The following CABIN1 variants were observed in gnomAD, a reference collection of about 807,000 sequenced individuals.
CABIN1 encodes calcineurin-binding protein cabin-1.
A neutral mutation model predicts 227.7 loss-of-function variants in CABIN1; 133 were observed. That is an observed-to-expected ratio of 0.58 (90% CI 0.51 to 0.67). The LOEUF (loss-of-function observed/expected upper bound fraction) is 0.67, where lower values mean the gene tolerates loss of function less well. CABIN1 is among the 30% of genes least tolerant of loss of function. The pLI is 0.00. For missense variants in CABIN1, 2,408 were observed against 2,852.5 expected (o/e 0.84, Z 3.55); for synonymous variants, 1,086 against 1,155.1 (o/e 0.94, Z 1.21).
At chr22:24,134,227 G>A (rs2044249940) in intron 28 of CABIN1, 75 bp from the exon 29 acceptor site, 4 of 1,040,224 alleles carry the variant, frequency 3.8e-6, no homozygotes, top group Non-Finnish European at 5.9e-6. Context: ...CAGGAAGGAG[G>A]GGACCGCCTG....
chr22:24,164,662 A>C lies in CABIN1; in HGVS notation c.4910+99A>C, dbSNP rs556024310. ...CCACTGCTCTGGCCCAGCTGTGAGG[A>C]CCACTGGCTGGGAGCCTGGACCAGC... On this transcript the variant is annotated intron_variant, in intron 30 of 36. Transcript: ENST00000263119. The C allele has an allele frequency of 2.0e-5, 27 of 1,361,962 alleles. No individual in the cohort carries two copies. The Admixed American group carries it at 3.3e-4, about 17-fold the overall frequency. 84.4% of individuals were successfully genotyped at this position (1,361,962 alleles called of 1,614,324 possible). A position where few individuals can be genotyped will look rare whatever the true frequency, so the allele number is the denominator to read the frequency against.
chr22:24,136,224 C>T (rs909208696), intron 29 of CABIN1, among the ~76,000 whole-genome samples: 4 of 152,032 alleles, frequency 2.6e-5, no homozygotes, highest in Admixed American at 1.3e-4. Flanking sequence ...TGTATTTTTT[C>T]GCTAAACAAT....
At chr22:24,136,739 G>GCA (rs200091743) in intron 29 of CABIN1, among the ~76,000 whole-genome samples, 6,386 of 139,530 alleles carry the variant, frequency 0.046, 160 homozygotes, top group East Asian at 0.14. Flanking sequence ...ACACACACAC[G>GCA]CACACACACA....
chr22:24,163,550 A>G (rs1383370301), intron 29 of CABIN1, among the ~76,000 whole-genome samples: 2 of 152,132 alleles, frequency 1.3e-5, no homozygotes, highest in Non-Finnish European at 2.9e-5. Flanking sequence ...CAGTTTCTTC[A>G]GCGTGTTGGC....
Position 24,178,328 on chromosome 22 carries a change from C to A in CABIN1, c.*132C>A. On this transcript the variant is annotated 3_prime_UTR_variant, in exon 37 of 37. Coordinates refer to ENST00000263119, the MANE Select transcript of CABIN1 (RefSeq NM_012295.4). ...CCACACAGCCCCCAGGCCTGCCCAG[C>A]CCACCTCCTCATGGCATCCTCCCTG... 1 of 1,130,640 alleles carries A rather than the reference C, an allele frequency of 8.8e-7. No individual in the cohort carries two copies. The highest frequency in any genetic ancestry group is 1.3e-6 in the Non-Finnish European group (1 of 792,814). 70.0% of individuals were successfully genotyped at this position (1,130,640 alleles called of 1,614,324 possible). A position where few individuals can be genotyped will look rare whatever the true frequency, so the allele number is the denominator to read the frequency against.
At chr22:24,013,588 A>G (rs2035010244) in intron 1 of CABIN1, among the ~76,000 whole-genome samples, 1 of 152,198 alleles carries the variant, frequency 6.6e-6, no homozygotes. Context: ...GCTTTCCCTA[A>G]TGTTAACATC....
chr22:24,038,929 T>C (rs1225708485), intron 4 of CABIN1, among the ~76,000 whole-genome samples: 1 of 152,190 alleles, frequency 6.6e-6, no homozygotes, highest in Non-Finnish European at 1.5e-5. Context: ...GGGAAGTCTG[T>C]ATAGACATGC....
intron 26 of CABIN1, among the ~76,000 whole-genome samples, chr22:24,105,414 A>G (rs1233764584): frequency 6.6e-6 from 1 of 152,242 alleles, no homozygotes; most frequent in Non-Finnish European, 1.5e-5. Flanking sequence ...CTTGCCACAA[A>G]TATTAATTAG....
chr22:24,149,787 A>G (rs2045374486), intron 29 of CABIN1, among the ~76,000 whole-genome samples: 1 of 152,154 alleles, frequency 6.6e-6, no homozygotes, highest in Non-Finnish European at 1.5e-5. Flanking sequence ...GCTATTGGGA[A>G]CCCCAGGCTG....
chr22:24,169,821 C>T (rs577937985), intron 33 of CABIN1, among the ~76,000 whole-genome samples: 1 of 152,366 alleles, frequency 6.6e-6, no homozygotes, highest in Non-Finnish European at 1.5e-5. Flanking sequence ...CAACCCCACA[C>T]TGTAGCGTGA....
chr22:24,126,770 G>A (rs772757283), intron 28 of CABIN1, among the ~76,000 whole-genome samples: 74 of 152,144 alleles, frequency 4.9e-4, no homozygotes, highest in Non-Finnish European at 1.3e-4. Context: ...AGGCCAAGGC[G>A]GGCAAATCAC....
At chr22:24,175,922 T>C in intron 34 of CABIN1, 189 bp from the exon 35 acceptor site, 1 of 692,014 alleles carries the variant, frequency 1.4e-6, no homozygotes, top group Non-Finnish European at 2.6e-6. Context: ...CCTACCAGTG[T>C]CCTCTTGGGT....
chr22:24,086,750 TCAGA>T (rs1303645216), intron 22 of CABIN1, among the ~76,000 whole-genome samples: 1 of 152,224 alleles, frequency 6.6e-6, no homozygotes, highest in Non-Finnish European at 1.5e-5. Context: ...ATTCCTCCTC[TCAGA>T]CAGGTTTCTG....
intron 28 of CABIN1, among the ~76,000 whole-genome samples, chr22:24,125,654 G>T (rs938554207): frequency 6.6e-6 from 1 of 152,202 alleles, no homozygotes; most frequent in African/African-American, 2.4e-5. Flanking sequence ...CAGGGTGTTC[G>T]CCTGCCTTTA....
intron 19 of CABIN1, 67 bp from the exon 20 acceptor site, chr22:24,083,161 C>A: frequency 6.5e-7 from 1 of 1,534,016 alleles, no homozygotes; most frequent in Non-Finnish European, 9.0e-7. Flanking sequence ...TTCTCTGGGG[C>A]CCTGCTGTGA....
intron 1 of CABIN1, chr22:24,011,682 C>T (rs1235326810): frequency 2.0e-5 from 3 of 152,282 alleles, no homozygotes; most frequent in African/African-American, 4.8e-5. Flanking sequence ...AGCGCGCTAA[C>T]CCTTTACTCG....
At chr22:24,095,519 G>A (rs1163135681) in intron 24 of CABIN1, among the ~76,000 whole-genome samples, 1 of 146,110 alleles carries the variant, frequency 6.8e-6, no homozygotes, top group Non-Finnish European at 1.5e-5. Flanking sequence ...ATCCAACCTA[G>A]TCCTTGTTTC....
chr22:24,087,829 G>A, intron 23 of CABIN1, 116 bp downstream of exon 23: 1 of 1,359,576 alleles, frequency 7.4e-7, no homozygotes, highest in Non-Finnish European at 1.0e-6. Flanking sequence ...TCCATGCTGG[G>A]AGCTCACTGA....
At chr22:24,033,687 A>G (rs552993616) in intron 1 of CABIN1, among the ~76,000 whole-genome samples, 11 of 152,118 alleles carry the variant, frequency 7.2e-5, no homozygotes, top group South Asian at 2.1e-4. Flanking sequence ...TCTACCTCCT[A>G]GTGGGATTCC....
Sources: allele counts gnomAD v4.1 joint callset (sites outside exome capture counted in the v4.1 genomes callset), GRCh38; gene constraint gnomAD v4.1.1; transcripts MANE v1.5; gene names NCBI Gene and HGNC (gene_info 2026-07-23, HGNC 2026-07-21).